The following CCDC154 variants were observed in gnomAD, a reference collection of about 807,000 sequenced individuals.
CCDC154 encodes coiled-coil domain-containing protein 154.
A neutral mutation model predicts 87.5 loss-of-function variants in CCDC154; 91 were observed. The observed-to-expected ratio is 1.04, with a 90% confidence interval of 0.88 to 1.24. The LOEUF (loss-of-function observed/expected upper bound fraction) is 1.24, where lower values mean the gene tolerates loss of function less well. CCDC154 is among the 50% of genes most tolerant of loss of function. The pLI is 0.00. For missense variants in CCDC154, 903 were observed against 879.2 expected, an observed-to-expected ratio of 1.03 and a Z score of -0.34; for synonymous variants, 418 against 400.4, an observed-to-expected ratio of 1.04 and a Z score of -0.52.
chr16:1,438,183 G>C lies in CCDC154; in HGVS notation c.1026-7C>G. 1 of 1,531,634 alleles carries C rather than the reference G, an allele frequency of 6.5e-7. No homozygotes were observed. Among genetic ancestry groups the C allele is most frequent in the South Asian group, 1.2e-5 (1 of 81,424 alleles). The allele number at this position is 1,531,634 out of a possible 1,614,324, so 94.9% of individuals were successfully genotyped here. Reference sequence around the variant, plus strand: ...CAAGCGCCCCTTGGCGTCCCTAGGGGTTGGGGACACATAGACACCCTCAGT... The same window carrying C: ...CAAGCGCCCCTTGGCGTCCCTAGGGCTTGGGGACACATAGACACCCTCAGT... On this transcript the variant is annotated splice_region_variant and splice_polypyrimidine_tract_variant and intron_variant, in intron 9 of 16. Transcript: ENST00000389176.
At chr16:1,438,779 C>T (rs2038524944) in intron 8 of CCDC154, 36 bp downstream of exon 8, 12 of 1,542,742 alleles carry the variant, frequency 7.8e-6, no homozygotes, top group South Asian at 1.2e-5. Context: ...GCACCCCGGC[C>T]CCGGCCCCAC....
At chr16:1,435,604 C>T (rs1194414412) in intron 14 of CCDC154, among the ~76,000 whole-genome samples, 1 of 152,234 alleles carries the variant, frequency 6.6e-6, no homozygotes, top group Admixed American at 6.5e-5. Flanking sequence ...TGGCTCACCG[C>T]AACCTCCACC....
chr16:1,444,154 C>T (rs552889988), intron 1 of CCDC154, 142 bp from the exon 2 acceptor site: 10 of 1,017,582 alleles, frequency 9.8e-6, no homozygotes, highest in Admixed American at 2.7e-5. Context: ...AGGATCCAGA[C>T]GGGCTTGGCT....
rs763300193 is a variant in CCDC154, at chr16:1,437,817, C to T, written c.1290G>A (p.Glu430=). The part of the protein sequence containing the change: ...QEQMLGLRLS[E]AKTEWEGAER... The stretch of plus-strand genomic sequence containing the variant: ...TGCCCCCGCCCGCTGCCTGGCGCAC[C>T]TCGGACAGCCTGAGGCCCAGCATCT... Residue 430 remains glutamate, a splice_region_variant and synonymous_variant, in exon 11 of 17, where the codon GAG becomes GAA. Transcript: ENST00000389176. 6.5e-6 allele frequency: 10 copies of T among 1,529,148 alleles called. No individual in the cohort carries two copies. Among genetic ancestry groups the T allele is most frequent in the Non-Finnish European group, 8.8e-6 (10 of 1,140,644 alleles). 94.7% of individuals were successfully genotyped at this position (1,529,148 alleles called of 1,614,324 possible).
intron 4 of CCDC154, 49 bp from the exon 5 acceptor site, chr16:1,443,024 C>T: frequency 6.5e-7 from 1 of 1,544,856 alleles, no homozygotes; most frequent in Non-Finnish European, 8.8e-7. Flanking sequence ...GCTGAGCAGC[C>T]TCGGCGGGCT....
chr16:1,443,620 C>T lies in CCDC154; in HGVS notation c.300G>A (p.Leu100=). Residue 100 remains leucine, a synonymous_variant, in exon 3 of 17, where the codon CTG becomes CTA. Transcript: ENST00000389176. ...KQRCERATRS[L]LRELLQVRAR... ...CCCGCACCTGGAGCAGCTCCCGCAG[C>T]AGGCTCCGCGTGGCGCGCTCACAGC... 1.4e-6 allele frequency: 2 copies of T among 1,409,868 alleles called. No individual in the cohort carries two copies. Among genetic ancestry groups the T allele is most frequent in the Non-Finnish European group, 1.9e-6 (2 of 1,071,886 alleles). The allele number at this position is 1,409,868 out of a possible 1,614,324, so 87.3% of individuals were successfully genotyped here.
rs369531400 is a variant in CCDC154, at chr16:1,436,803, G to T, written c.1299C>A (p.Thr433=). ...MLGLRLSEAK[T]EWEGAERKSL... ...ACTTCCTCTCTGCACCTTCCCATTC[G>T]GTCTTTGCCTGGGGTACAGATGCCC... Residue 433 remains threonine (T), a synonymous_variant, in exon 12 of 17, where the codon ACC becomes ACA. Coordinates refer to ENST00000389176, the MANE Select transcript of CCDC154 (RefSeq NM_001143980.3). 1.6e-5 allele frequency: 25 copies of T among 1,550,374 alleles called. No homozygotes were observed. In the African/African-American group the frequency reaches 3.4e-4, roughly 21 times the overall value.
chr16:1,441,084 G>A (rs1028703116), intron 6 of CCDC154, among the ~76,000 whole-genome samples: 5 of 152,132 alleles, frequency 3.3e-5, no homozygotes, highest in African/African-American at 4.8e-5. Flanking sequence ...GCACCACCAC[G>A]CTCCAGCCTG....
intron 11 of CCDC154, chr16:1,437,187 C>T (rs995904912): frequency 1.8e-5 from 5 of 271,962 alleles, no homozygotes; most frequent in Admixed American, 9.6e-5. Flanking sequence ...CACGTTACGC[C>T]GCGGTGGAAG....
rs991617593 is a variant in CCDC154 at position 1,436,776 on chromosome 16, G to A, written c.1326C>T (p.Ser442=). The A allele has an allele frequency of 2.6e-6, 4 of 1,550,436 alleles. No homozygotes were observed. The highest frequency in any genetic ancestry group is 3.5e-6 in the Non-Finnish European group (4 of 1,146,968). The part of the protein sequence containing the change: ...KTEWEGAERK[S]LEDLARWRKE... ...TCCGCCACCTGGCCAGGTCCTCCAG[G>A]GACTTCCTCTCTGCACCTTCCCATT... is the stretch of plus-strand genomic sequence containing the variant. Residue 442 remains serine, a synonymous_variant, in exon 12 of 17, where the codon TCC becomes TCT. Transcript: ENST00000389176.
rs1456630776 is a variant in CCDC154, at chr16:1,436,432, C to T, written c.1487+13G>A. 2.0e-5 allele frequency: 31 copies of T among 1,546,396 alleles called. No individual in the cohort carries two copies. The highest frequency in any genetic ancestry group is 2.6e-5 in the Non-Finnish European group (30 of 1,145,984). ...AGAGCCCCTGCCCCTCTCCCAGGGC[C>T]TGGAGGCTGTACCTGGCCTTGCCTT... On this transcript the variant is annotated intron_variant, in intron 13 of 16. Coordinates refer to ENST00000389176, the MANE Select transcript of CCDC154 (RefSeq NM_001143980.3).
In CCDC154 at chr16:1,436,048, G is replaced by A. The variant is rs1174247599; in HGVS notation, c.1526C>T (p.Thr509Met). ...TAGCAGCTGCACGGATGATAGTAGCGTGGCCAGCTCCTGCCGCAGGGCCCC... is the reference window on the plus strand; with the variant it reads ...TAGCAGCTGCACGGATGATAGTAGCATGGCCAGCTCCTGCCGCAGGGCCCC... Reference protein sequence around the residue: ...KVGALRQELATLLSSVQLLKE... With the variant: ...KVGALRQELAMLLSSVQLLKE... The change falls in exon 14 of 17, where the codon ACG (threonine) becomes ATG (methionine). Residue 509 changes from threonine to methionine, a missense_variant. Coordinates refer to ENST00000389176, the MANE Select transcript of CCDC154 (RefSeq NM_001143980.3). The A allele has an allele frequency of 9.0e-6, 14 of 1,550,168 alleles. No individual in the cohort carries two copies. In the East Asian group the frequency reaches 9.8e-5, roughly 11 times the overall value.
Position 1,443,839 on chromosome 16 carries a change from G to T in CCDC154, c.181C>A (p.Pro61Thr), listed in dbSNP as rs562085882. The T allele has an allele frequency of 1.4e-5, 18 of 1,304,342 alleles. 1 individual carries two copies. In the African/African-American group the frequency reaches 2.3e-4, roughly 16 times the overall value. 80.8% of individuals were successfully genotyped at this position (1,304,342 alleles called of 1,614,324 possible). A position where few individuals can be genotyped will look rare whatever the true frequency, so the allele number is the denominator to read the frequency against. ...SSHPTSTASVPEQDTAKHWNQ... is the reference protein window; with the variant it reads ...SSHPTSTASVTEQDTAKHWNQ... Reference sequence around the variant, plus strand: ...CAGTGCTTGGCGGTGTCCTGCTCGGGGACAGAGGCCGTGGATGTCGGATGG... The same window carrying T: ...CAGTGCTTGGCGGTGTCCTGCTCGGTGACAGAGGCCGTGGATGTCGGATGG... Residue 61 changes from proline to threonine, a missense_variant, in exon 2 of 17, where the codon CCC (proline) becomes ACC (threonine). Transcript: ENST00000389176.
intron 14 of CCDC154, 89 bp from the exon 15 acceptor site, chr16:1,435,264 G>A: frequency 8.4e-7 from 1 of 1,188,330 alleles, no homozygotes; most frequent in Non-Finnish European, 1.2e-6. Context: ...ACTGTTGAGT[G>A]CTTACAGCTT....
chr16:1,437,497 C>A (rs944795397), intron 11 of CCDC154: 1 of 349,560 alleles, frequency 2.9e-6, no homozygotes, highest in African/African-American at 2.2e-5. Flanking sequence ...AGCTGTTACA[C>A]AGTGAACAAG....
In CCDC154 at chr16:1,443,869, A is replaced by G. The variant is rs1475776474; in HGVS notation, c.151T>C (p.Ser51Pro). 7.7e-7 allele frequency: 1 copy of G among 1,304,032 alleles called. No homozygotes were observed. The highest frequency in any genetic ancestry group is 1.0e-6 in the Non-Finnish European group (1 of 988,962). 80.8% of individuals were successfully genotyped at this position (1,304,032 alleles called of 1,614,324 possible). The part of the protein sequence containing the change: ...SLEELSERYE[S>P]SHPTSTASVP... ...GAGGCCGTGGATGTCGGATGGCTGGACTCATACCTCTCCGAGAGCTCCTCC... is the reference window on the plus strand; with the variant it reads ...GAGGCCGTGGATGTCGGATGGCTGGGCTCATACCTCTCCGAGAGCTCCTCC... The change falls in exon 2 of 17, where the codon TCC becomes CCC. Residue 51 changes from serine to proline, a missense_variant. Ser to Pro is a moderately conservative substitution (Grantham distance 74). Coordinates refer to ENST00000389176, the MANE Select transcript of CCDC154 (RefSeq NM_001143980.3).
chr16:1,434,718 C>G lies in CCDC154; in HGVS notation c.1827G>C (p.Ala609=). 1 of 1,546,894 alleles carries G rather than the reference C, an allele frequency of 6.5e-7. No homozygotes were observed. Among genetic ancestry groups the G allele is most frequent in the Non-Finnish European group, 8.7e-7 (1 of 1,146,826 alleles). ...AGTTCATGGGCACCACCTTGCCAGG[C>G]GCCATGTCCTTGATGAAGACCCGCG... ...VRPRVFIKDM[A]PGKVVPMNCW... Residue 609 remains alanine, a synonymous_variant, in exon 16 of 17, where the codon GCG becomes GCC. Transcript: ENST00000389176.
chr16:1,444,254 G>T (rs1371600213), intron 1 of CCDC154, 62 bp downstream of exon 1: 1 of 1,284,790 alleles, frequency 7.8e-7, no homozygotes, highest in South Asian at 1.3e-5. Context: ...GAAGCAGAGC[G>T]GTCCCCACCC....
chr16:1,442,522 T>G lies in CCDC154; in HGVS notation c.559A>C (p.Lys187Gln). ...TCCTGCTGCAGCAAGTCGGTCAGCTTGGCCAGTCTAGAGAAGTCGGCTGTG... is the reference window on the plus strand; with the variant it reads ...TCCTGCTGCAGCAAGTCGGTCAGCTGGGCCAGTCTAGAGAAGTCGGCTGTG... ...AEQEAGLRLA[K>Q]LTDLLQQEEQ... The change falls in exon 6 of 17, where the codon AAG becomes CAG. Residue 187 changes from lysine to glutamine, a missense_variant. Physicochemically the swap from Lys to Gln is moderately conservative, Grantham distance 53 (BLOSUM62 1). Coordinates refer to ENST00000389176, the MANE Select transcript of CCDC154 (RefSeq NM_001143980.3). 6.5e-7 allele frequency: 1 copy of G among 1,544,654 alleles called. No homozygotes were observed. The highest frequency in any genetic ancestry group is 8.7e-7 in the Non-Finnish European group (1 of 1,144,162).
Sources: allele counts gnomAD v4.1 joint callset (sites outside exome capture counted in the v4.1 genomes callset), GRCh38; gene constraint gnomAD v4.1.1; transcripts MANE v1.5; gene names NCBI Gene and HGNC (gene_info 2026-07-23, HGNC 2026-07-21).